Variants in ANKRD11 observed in about 807,000 individuals in gnomAD.
ANKRD11 encodes the protein ankyrin repeat domain 11, also known as ankyrin repeat domain-containing protein 11.
Under a neutral mutation model 195.7 loss-of-function variants are expected in ANKRD11, and 17 were observed. The ratio of observed to expected loss-of-function variants is 0.09; its 90% CI spans 0.06 to 0.13. The LOEUF (loss-of-function observed/expected upper bound fraction) is 0.13. Among genes scored for constraint, ANKRD11 ranks in the 10% least tolerant of loss-of-function variants. ANKRD11 has a pLI of 1.00. For synonymous variants in ANKRD11, 1,953 were observed against 1,528.1 expected, an observed-to-expected ratio of 1.28 and a Z score of -6.49; for missense variants, 3,735 against 3,566.1, an observed-to-expected ratio of 1.05 and a Z score of -1.21.
At chr16:89,462,803 G>A (rs1410854684) in intron 1 of ANKRD11, among the ~76,000 whole-genome samples, 3 of 145,224 alleles carry the variant, frequency 2.1e-5, no homozygotes, top group African/African-American at 2.6e-5. Context: ...CAACCACCCC[G>A]TCTGAGAAGT....
At chr16:89,455,354 T>A (rs1261762480) in intron 1 of ANKRD11, among the ~76,000 whole-genome samples, 1 of 152,100 alleles carries the variant, frequency 6.6e-6, no homozygotes, top group Non-Finnish European at 1.5e-5. Flanking sequence ...CTGTTAGGGT[T>A]CCTCATGCTA....
chr16:89,470,923 G>A (rs1238626196), intron 1 of ANKRD11, among the ~76,000 whole-genome samples: 8 of 152,224 alleles, frequency 5.3e-5, no homozygotes. Flanking sequence ...AACCTGGGAG[G>A]CGGAGCTTGC....
chr16:89,427,534 C>T (rs1349627221), intron 1 of ANKRD11, among the ~76,000 whole-genome samples: 7 of 152,152 alleles, frequency 4.6e-5, no homozygotes, highest in South Asian at 2.1e-4. Flanking sequence ...TGGTGGCTCA[C>T]GCCTGTAATC....
In ANKRD11 at chr16:89,341,432, C is replaced by G. The variant is rs77057871; in HGVS notation, c.-59-24354G>C. 5.3e-5 allele frequency among the ~76,000 whole-genome samples: 8 copies of G among 152,372 alleles called. No homozygotes were observed. The East Asian group carries it at 1.5e-3, about 29-fold the overall frequency. ...CCCAACGTGAACAGACCCCACCAAGCAGCTTCCCAGCCTTCCAGAAGGTTC... is the reference window on the plus strand; with the variant it reads ...CCCAACGTGAACAGACCCCACCAAGGAGCTTCCCAGCCTTCCAGAAGGTTC... On this transcript the variant is annotated intron_variant, in intron 2 of 12. Coordinates refer to ENST00000301030, the MANE Select transcript of ANKRD11 (RefSeq NM_013275.6).
Position 89,281,953 on chromosome 16 carries a change from A to G in ANKRD11, c.4589T>C (p.Leu1530Pro). 3 of 1,612,548 alleles carry G rather than the reference A, an allele frequency of 1.9e-6. No homozygotes were observed. The highest frequency in any genetic ancestry group is 8.5e-7 in the Non-Finnish European group (1 of 1,179,982). Reference sequence around the variant, plus strand: ...TGCACCGTCCTTGAATTTCTCCTTCAGTTTGGCATCGCCGAGCCTCGGGCC... The same window carrying G: ...TGCACCGTCCTTGAATTTCTCCTTCGGTTTGGCATCGCCGAGCCTCGGGCC... The part of the protein sequence containing the change: ...DEGPRLGDAK[L>P]KEKFKDGAEK... The change falls in exon 9 of 13, where the codon CTG becomes CCG. Residue 1530 changes from leucine to proline, a missense_variant. By Grantham distance (98) the Leu-to-Pro change is moderately conservative (BLOSUM62 -3). Transcript: ENST00000301030. The surrounding 1 kb of genome is among the most constrained non-coding windows in gnomAD (Gnocchi z 5.5).
chr16:89,346,461 T>A (rs1005669897), intron 2 of ANKRD11, among the ~76,000 whole-genome samples: 4 of 151,986 alleles, frequency 2.6e-5, no homozygotes, highest in Non-Finnish European at 5.9e-5. Context: ...AATCACGCAA[T>A]CCATTTTTCA....
At chr16:89,405,157 G>A (rs1344449226) in intron 2 of ANKRD11, among the ~76,000 whole-genome samples, 7 of 151,958 alleles carry the variant, frequency 4.6e-5, no homozygotes, top group Admixed American at 4.6e-4. Flanking sequence ...TCACGCCATT[G>A]CACTCCAGCC....
At chr16:89,478,369 A>T (rs1281053773) in intron 1 of ANKRD11, among the ~76,000 whole-genome samples, 1 of 151,964 alleles carries the variant, frequency 6.6e-6, no homozygotes, top group African/African-American at 2.4e-5. Flanking sequence ...TCTATGGAAG[A>T]CATCCTCTTC....
chr16:89,403,373 T>A (rs1407313933), intron 2 of ANKRD11, among the ~76,000 whole-genome samples: 1 of 152,046 alleles, frequency 6.6e-6, no homozygotes. Context: ...GAGGAGCTCA[T>A]CTGTCTGAGG....
chr16:89,271,321 T>A (rs1328691742), intron 11 of ANKRD11: 3 of 299,474 alleles, frequency 1.0e-5, no homozygotes, highest in Non-Finnish European at 2.0e-5. Context: ...CACCGCAGCC[T>A]CCACCTCCAG....
intron 4 of ANKRD11, among the ~76,000 whole-genome samples, chr16:89,296,331 G>C (rs545984828): frequency 6.6e-6 from 1 of 152,202 alleles, no homozygotes; most frequent in Non-Finnish European, 1.5e-5. Flanking sequence ...TCCCTGCCCT[G>C]CTCTCTCCTC....
chr16:89,355,901 C>A (rs1386049436), intron 2 of ANKRD11, among the ~76,000 whole-genome samples: 11 of 152,246 alleles, frequency 7.2e-5, no homozygotes, highest in Non-Finnish European at 1.3e-4. Context: ...GTGCTCCCCC[C>A]AGCACAGCTC....
chr16:89,355,202 C>T lies in ANKRD11; in HGVS notation c.-59-38124G>A, dbSNP rs559806601. Among the ~76,000 whole-genome samples the T allele has an allele frequency of 3.9e-5, 6 of 152,212 alleles. No individual in the cohort carries two copies. The East Asian group carries it at 7.7e-4, about 20-fold the overall frequency. ...CAGGCGAACCTATGCTGGTGATGCT[C>T]GGGAGGCGGGCAGAGGGCTCACGGA... On this transcript the variant is annotated intron_variant, in intron 2 of 12. Coordinates refer to ENST00000301030, the MANE Select transcript of ANKRD11 (RefSeq NM_013275.6).
At chr16:89,302,378 G>A (rs568056288) in intron 4 of ANKRD11, among the ~76,000 whole-genome samples, 7 of 152,220 alleles carry the variant, frequency 4.6e-5, no homozygotes, top group Non-Finnish European at 8.8e-5. Context: ...TCAGCCTCCC[G>A]AGTAGCTGGG....
intron 2 of ANKRD11, among the ~76,000 whole-genome samples, chr16:89,356,802 AG>A (rs2039501814): frequency 6.7e-6 from 1 of 149,246 alleles, no homozygotes; most frequent in African/African-American, 2.6e-5. Context: ...AAAAGAAAAA[AG>A]AAAAAAAAAG....
In ANKRD11 at chr16:89,369,623, G is replaced by A. The variant is rs1185272132; in HGVS notation, c.-60+48661C>T. On this transcript the variant is annotated intron_variant, in intron 2 of 12. Coordinates refer to ENST00000301030, the MANE Select transcript of ANKRD11 (RefSeq NM_013275.6). ...AGGATCCTGGAAAGGGAGGGGGTGC[G>A]GTCACAGAAGGACAACCAGGGGGGT... 5.9e-5 allele frequency among the ~76,000 whole-genome samples: 9 copies of A among 152,282 alleles called. No homozygotes were observed. The South Asian group carries it at 6.2e-4, about 11-fold the overall frequency.
intron 2 of ANKRD11, among the ~76,000 whole-genome samples, chr16:89,386,221 T>C (rs1344640762): frequency 6.6e-6 from 1 of 152,220 alleles, no homozygotes; most frequent in East Asian, 1.9e-4. Flanking sequence ...CACTACAAGT[T>C]TTCCATTAAC....
chr16:89,434,304 T>A (rs992113794), intron 1 of ANKRD11, among the ~76,000 whole-genome samples: 2 of 152,176 alleles, frequency 1.3e-5, no homozygotes, highest in Non-Finnish European at 2.9e-5. Flanking sequence ...ATCACTGATC[T>A]AGCCCTTCCT....
intron 2 of ANKRD11, among the ~76,000 whole-genome samples, chr16:89,341,694 A>T (rs1390330466): frequency 6.6e-6 from 1 of 152,232 alleles, no homozygotes; most frequent in Non-Finnish European, 1.5e-5. Flanking sequence ...TCACACACCT[A>T]TTCATCTGCA....
Sources: allele counts gnomAD v4.1 joint callset (sites outside exome capture counted in the v4.1 genomes callset), GRCh38; gene constraint gnomAD v4.1.1; non-coding constraint Gnocchi (gnomAD v3.1); transcripts MANE v1.5; gene names NCBI Gene and HGNC (gene_info 2026-07-23, HGNC 2026-07-21).